Variants in RMC1 observed in about 807,000 individuals in gnomAD.
RMC1 encodes the protein regulator of MON1-CCZ1 complex.
A neutral mutation model predicts 95.5 loss-of-function variants in RMC1; 44 were observed. The observed-to-expected ratio is 0.46, with a 90% confidence interval of 0.36 to 0.59. The LOEUF (loss-of-function observed/expected upper bound fraction) is 0.59. Ranked by LOEUF, RMC1 falls within the 20% of genes least tolerant of loss-of-function variation. The probability of loss-of-function intolerance (pLI) is 0.00; values close to 1 mark genes in which losing one functional copy is unlikely to be tolerated. For missense variants in RMC1, 705 were observed against 819.6 expected (o/e 0.86, Z 1.71); for synonymous variants, 320 against 303.6 (o/e 1.05, Z -0.56).
Position 23,509,214 on chromosome 18 carries a change from G to T in RMC1, c.343G>T (p.Gly115Ter). ...TTAGACTAAGAATGCCAACATTCTAGGATTCTGCTGGACTAGTTCAACTGA... is the reference window on the plus strand; with the variant it reads ...TTAGACTAAGAATGCCAACATTCTATGATTCTGCTGGACTAGTTCAACTGA... ...ECKTKNANIL[G>*]FCWTSSTEIV... is the part of the protein sequence containing the mutation. Residue 115 changes from glycine (G) to a stop codon, truncating the protein, a stop_gained, in exon 5 of 20, where the codon GGA becomes TGA. Transcript: ENST00000269221. LOFTEE classifies it high-confidence loss of function. 7.0e-7 allele frequency: 1 copy of T among 1,434,318 alleles called. No individual in the cohort carries two copies. The highest frequency in any genetic ancestry group is 9.2e-7 in the Non-Finnish European group (1 of 1,090,222). The allele number at this position is 1,434,318 out of a possible 1,614,324, so 88.8% of individuals were successfully genotyped here. A position where few individuals can be genotyped will look rare whatever the true frequency, so the allele number is the denominator to read the frequency against.
Position 23,506,958 on chromosome 18 carries a change from T to A in RMC1, c.180-12T>A, listed in dbSNP as rs1295118542. 1 of 1,568,594 alleles carries A rather than the reference T, an allele frequency of 6.4e-7. No individual in the cohort carries two copies. Among genetic ancestry groups the A allele is most frequent in the Non-Finnish European group, 8.7e-7 (1 of 1,144,610 alleles). The stretch of plus-strand genomic sequence containing the variant: ...GGTTATTTAACTACTAACACAATCT[T>A]TCTTCTTAAAGAATGGATGACAAAG... On this transcript the variant is annotated splice_polypyrimidine_tract_variant and intron_variant, in intron 2 of 19. Transcript: ENST00000269221.
At chr18:23,505,224 A>T (rs1056810883) in intron 2 of RMC1, among the ~76,000 whole-genome samples, 1 of 151,628 alleles carries the variant, frequency 6.6e-6, no homozygotes, top group Non-Finnish European at 1.5e-5. Flanking sequence ...CGCCCGGCTA[A>T]TTTTTTTTGT....
intron 16 of RMC1, 124 bp from the exon 17 acceptor site, chr18:23,529,904 A>T: frequency 9.1e-7 from 1 of 1,101,502 alleles, no homozygotes; most frequent in Non-Finnish European, 1.3e-6. Context: ...TGCATGACGA[A>T]ACCACTTCTT....
chr18:23,503,526 G>A lies in RMC1; in HGVS notation c.-93G>A, dbSNP rs944414108. 3.8e-5 allele frequency: 32 copies of A among 834,526 alleles called. No homozygotes were observed. Among genetic ancestry groups the A allele is most frequent in the Non-Finnish European group, 4.7e-5 (29 of 613,266 alleles). The allele number at this position is 834,526 out of a possible 1,614,324, so 51.7% of individuals were successfully genotyped here. ...CGCCGGGCCCAGAGCCGCAGCCGCA[G>A]CCGCCGCTACAGTCCGGGCCGGGCT... On this transcript the variant is annotated 5_prime_UTR_variant, in exon 1 of 20. Coordinates refer to ENST00000269221, the MANE Select transcript of RMC1 (RefSeq NM_013326.5).
chr18:23,530,457 G>A lies in RMC1; in HGVS notation c.1739G>A (p.Arg580Lys), dbSNP rs1231828195. 2 of 1,614,258 alleles carry A rather than the reference G, an allele frequency of 1.2e-6. No homozygotes were observed. Among genetic ancestry groups the A allele is most frequent in the South Asian group, 2.2e-5 (2 of 91,090 alleles). Residue 580 changes from arginine to lysine, a missense_variant, in exon 19 of 20, where the codon AGG becomes AAG. Coordinates refer to ENST00000269221, the MANE Select transcript of RMC1 (RefSeq NM_013326.5). ...AAACACCAAGTGTTAGCTGCCTTAA[G>A]GTTTATCCGGGGCATTGGTGGCCAT... ...LSKHQVLAAL[R>K]FIRGIGGHDN...
chr18:23,513,249 C>G (rs1193629652), intron 5 of RMC1, among the ~76,000 whole-genome samples: 2 of 152,142 alleles, frequency 1.3e-5, no homozygotes, highest in Admixed American at 1.3e-4. Context: ...CCACTGTGTC[C>G]GGCCGAATTT....
Position 23,530,610 on chromosome 18 carries a change from C to G in RMC1, c.1892C>G (p.Pro631Arg). ...TTGCGAGGGAGCCCCAATTTCACAC[C>G]AGGTGAGAATGCAATGAAAAGACTT... ...QRLRGSPNFTPGEHCEEHVAF... is the reference protein window; with the variant it reads ...QRLRGSPNFTRGEHCEEHVAF... Residue 631 changes from proline to arginine, a missense_variant and splice_region_variant, in exon 19 of 20, where the codon CCA becomes CGA. Transcript: ENST00000269221. 6.2e-7 allele frequency: 1 copy of G among 1,612,814 alleles called. No individual in the cohort carries two copies. The highest frequency in any genetic ancestry group is 8.5e-7 in the Non-Finnish European group (1 of 1,179,144).
Position 23,504,447 on chromosome 18 carries a change from G to T in RMC1, c.179G>T (p.Arg60Ile). The change falls in exon 2 of 20, where the codon AGA becomes ATA. Residue 60 changes from arginine to isoleucine, a missense_variant and splice_region_variant. Arg to Ile is a moderately conservative substitution (Grantham distance 97). Transcript: ENST00000269221. Reference sequence around the variant, plus strand: ...GATGATAGGAATCCCATCTCATTTAGGTAATGGTATAGACACTTTCAGATC... The same window carrying T: ...GATGATAGGAATCCCATCTCATTTATGTAATGGTATAGACACTTTCAGATC... ...GPDDRNPISFRMDDKGEVKCI... is the reference protein window; with the variant it reads ...GPDDRNPISFIMDDKGEVKCI... 1 of 1,608,570 alleles carries T rather than the reference G, an allele frequency of 6.2e-7. No homozygotes were observed. The highest frequency in any genetic ancestry group is 8.5e-7 in the Non-Finnish European group (1 of 1,174,924).
At chr18:23,528,129 GT>G in intron 14 of RMC1, 1 of 432,708 alleles carries the variant, frequency 2.3e-6, no homozygotes. Flanking sequence ...TACCTTCACT[GT>G]TTTTGTTTTT....
intron 5 of RMC1, among the ~76,000 whole-genome samples, chr18:23,510,086 G>A (rs1056399193): frequency 6.6e-6 from 1 of 151,290 alleles, no homozygotes; most frequent in Non-Finnish European, 1.5e-5. Context: ...TCTTTGGAAG[G>A]CCAAGGTGGG....
At chr18:23,530,913 A>G (rs931619465) in intron 19 of RMC1, among the ~76,000 whole-genome samples, 1 of 152,188 alleles carries the variant, frequency 6.6e-6, no homozygotes, top group African/African-American at 2.4e-5. Flanking sequence ...AGCCAGGAAT[A>G]AGACGGCAAA....
At chr18:23,511,297 A>G (rs2057851575) in intron 5 of RMC1, among the ~76,000 whole-genome samples, 1 of 152,184 alleles carries the variant, frequency 6.6e-6, no homozygotes, top group African/African-American at 2.4e-5. Flanking sequence ...GCAAAGAAGG[A>G]AACAACAGAC....
At chr18:23,516,213 G>C in intron 6 of RMC1, 107 bp from the exon 7 acceptor site, 1 of 1,411,626 alleles carries the variant, frequency 7.1e-7, no homozygotes, top group Non-Finnish European at 1.0e-6. Context: ...CGGTGGAAAG[G>C]ATCCAAAGAC....
At chr18:23,519,411 G>T (rs2058089038) in intron 9 of RMC1, among the ~76,000 whole-genome samples, 2 of 152,238 alleles carry the variant, frequency 1.3e-5, no homozygotes, top group Admixed American at 1.3e-4. Flanking sequence ...CCAGCTACTT[G>T]TGGGGCTAAG....
intron 12 of RMC1, 149 bp from the exon 13 acceptor site, chr18:23,526,488 T>G: frequency 1.1e-6 from 1 of 905,366 alleles, no homozygotes; most frequent in Non-Finnish European, 1.6e-6. Flanking sequence ...CAGCTCTGCT[T>G]TGGTTAGGAA....
intron 2 of RMC1, among the ~76,000 whole-genome samples, chr18:23,505,951 G>A (rs1424128496): frequency 6.6e-6 from 1 of 152,078 alleles, no homozygotes; most frequent in African/African-American, 2.4e-5. Context: ...TGGATCACTT[G>A]AGATCAGGAG....
Position 23,530,481 on chromosome 18 carries a change from A to G in RMC1, c.1763A>G (p.His588Arg), listed in dbSNP as rs765688018. 1.9e-6 allele frequency: 3 copies of G among 1,614,288 alleles called. No individual in the cohort carries two copies. Among genetic ancestry groups the G allele is most frequent in the Non-Finnish European group, 2.5e-6 (3 of 1,180,056 alleles). The change falls in exon 19 of 20, where the codon CAT (histidine) becomes CGT (arginine). Residue 588 changes from histidine to arginine, a missense_variant. Transcript: ENST00000269221. ...AGGTTTATCCGGGGCATTGGTGGCC[A>G]TGACAACATTTCTGCACGAAAATTT... Reference protein sequence around the residue: ...ALRFIRGIGGHDNISARKFLD... With the variant: ...ALRFIRGIGGRDNISARKFLD...
At chr18:23,514,719 C>G (rs76383891) in intron 5 of RMC1, among the ~76,000 whole-genome samples, 1 of 152,298 alleles carries the variant, frequency 6.6e-6, no homozygotes, top group East Asian at 1.9e-4. Flanking sequence ...GTCTGTCTTT[C>G]TGTTCTCTGC....
At chr18:23,531,250 A>G (rs2058494434) in intron 19 of RMC1, among the ~76,000 whole-genome samples, 1 of 152,020 alleles carries the variant, frequency 6.6e-6, no homozygotes, top group African/African-American at 2.4e-5. Flanking sequence ...CAGCCTCCCA[A>G]AGTGCTGGGA....
Sources: gnomAD v4.1 joint callset for allele counts (sites outside exome capture counted in the v4.1 genomes callset) on GRCh38, gnomAD v4.1.1 for gene constraint, MANE v1.5 for transcripts, NCBI Gene and HGNC (gene_info 2026-07-23, HGNC 2026-07-21) for gene names.